THADA: variants seen among roughly 807,000 people sequenced by gnomAD.
The protein encoded by THADA is tRNA (32-2'-O)-methyltransferase regulator THADA.
A neutral mutation model predicts 219.8 loss-of-function variants in THADA; 213 were observed. That is an observed-to-expected ratio of 0.97 (90% CI 0.87 to 1.09). The LOEUF is 1.09. Ranked by LOEUF, THADA falls within the 50% of genes least tolerant of loss-of-function variation. The pLI, the probability that THADA is intolerant of heterozygous loss-of-function variation, is 0.00. For synonymous variants in THADA, 1,018 were observed against 828.9 expected (o/e 1.23, Z -3.92); for missense variants, 2,956 against 2,311.3 (o/e 1.28, Z -5.72).
intron 36 of THADA, among the ~76,000 whole-genome samples, chr2:43,244,051 C>CA (rs972098351): frequency 2.6e-5 from 4 of 151,952 alleles, no homozygotes; most frequent in Admixed American, 1.3e-4. Context: ...CAATACATTC[C>CA]AAAAAATCTT....
intron 26 of THADA, 68 bp from the exon 27 acceptor site, chr2:43,430,370 T>A (rs536514575): frequency 3.7e-5 from 32 of 874,062 alleles, no homozygotes; most frequent in Admixed American, 5.8e-5. Context: ...AGCCTTTTTT[T>A]TAAAAAAAGG....
At chr2:43,305,638 A>G (rs1676768588) in intron 31 of THADA, among the ~76,000 whole-genome samples, 1 of 152,124 alleles carries the variant, frequency 6.6e-6, no homozygotes, top group African/African-American at 2.4e-5. Flanking sequence ...GGCAGCCCAT[A>G]AAATCAAAAC....
chr2:43,462,086 GC>G (rs2104932131), intron 26 of THADA, among the ~76,000 whole-genome samples: 1 of 152,252 alleles, frequency 6.6e-6, no homozygotes, highest in South Asian at 2.1e-4. Flanking sequence ...ATTTCGGGCT[GC>G]ATTTTATACT....
At chr2:43,538,135 G>C (rs1041787489) in intron 21 of THADA, among the ~76,000 whole-genome samples, 2 of 152,098 alleles carry the variant, frequency 1.3e-5, no homozygotes, top group Non-Finnish European at 2.9e-5. Context: ...AGTACTCCAG[G>C]TGGAGGAAGC....
rs540266751 is a variant in THADA at position 43,553,354 on chromosome 2, G to T, written c.2675-1015C>A. Among the ~76,000 whole-genome samples the T allele has an allele frequency of 3.9e-5, 6 of 152,282 alleles. No individual in the cohort carries two copies. In the East Asian group the frequency reaches 7.7e-4, roughly 20 times the overall value. On this transcript the variant is annotated intron_variant, in intron 17 of 37. Coordinates refer to ENST00000405975, the MANE Select transcript of THADA (RefSeq NM_022065.5). ...CCCTAATGTGATAATCGAAGATGGA[G>T]ACCTTGGAAGGTAATTAGGTTTAGA...
chr2:43,577,297 T>G, intron 9 of THADA, 55 bp from the exon 10 acceptor site: 1 of 1,380,498 alleles, frequency 7.2e-7, no homozygotes, highest in Non-Finnish European at 9.9e-7. Context: ...TTTTCAGAGA[T>G]ATTTCAAAAT....
At chr2:43,582,236 C>G (rs988356726) in intron 7 of THADA, among the ~76,000 whole-genome samples, 2 of 152,190 alleles carry the variant, frequency 1.3e-5, no homozygotes, top group Admixed American at 6.5e-5. Context: ...GTGGCTCACA[C>G]TTGTAATCCC....
intron 36 of THADA, among the ~76,000 whole-genome samples, chr2:43,274,571 G>A (rs1373728528): frequency 2.0e-5 from 3 of 152,202 alleles, no homozygotes; most frequent in Non-Finnish European, 4.4e-5. Flanking sequence ...GCTCTGTGAT[G>A]ATACAATAAC....
At chr2:43,250,868 G>T (rs1669741826) in intron 36 of THADA, among the ~76,000 whole-genome samples, 1 of 152,196 alleles carries the variant, frequency 6.6e-6, no homozygotes, top group Non-Finnish European at 1.5e-5. Context: ...GGGCCCATTT[G>T]CTTTAAAGGG....
chr2:43,400,227 G>A (rs1277481239), intron 28 of THADA, among the ~76,000 whole-genome samples: 1 of 152,146 alleles, frequency 6.6e-6, no homozygotes, highest in African/African-American at 2.4e-5. Context: ...TGGAAAGGGG[G>A]AAAAGTGCCA....
rs1400855800 is a variant in THADA at position 43,232,633 on chromosome 2, G to A, written c.5466+80C>T. On this transcript the variant is annotated intron_variant, in intron 37 of 37. Transcript: ENST00000405975. ...CTGTGTCTAAGCATGCAAAAGCCCAGCTGAGGCTGTAGGTGCTGCATCTAG... is the reference window on the plus strand; with the variant it reads ...CTGTGTCTAAGCATGCAAAAGCCCAACTGAGGCTGTAGGTGCTGCATCTAG... 1.2e-4 allele frequency: 169 copies of A among 1,467,626 alleles called. 1 individual carries two copies. The highest frequency in any genetic ancestry group is 1.5e-4 in the Non-Finnish European group (162 of 1,071,356). 90.9% of individuals were successfully genotyped at this position (1,467,626 alleles called of 1,614,324 possible). A position where few individuals can be genotyped will look rare whatever the true frequency, so the allele number is the denominator to read the frequency against.
At position 43,517,510 on chromosome 2, in the gene THADA, T is replaced by C. The variant is rs1691875570; in HGVS notation, c.3375-8730A>G. On this transcript the variant is annotated intron_variant, in intron 22 of 37. Transcript: ENST00000405975. ...AAGAAGGAAGAAAATCCTTTCCCTT[T>C]CCCATAAACACAGACTTTCACTTTG... Among the ~76,000 whole-genome samples the C allele has an allele frequency of 2.0e-5, 3 of 152,136 alleles. No homozygotes were observed. In the South Asian group the frequency reaches 6.2e-4, roughly 31 times the overall value.
At chr2:43,590,752 G>C (rs545465559) in intron 4 of THADA, 72 bp downstream of exon 4, 4 of 1,524,254 alleles carry the variant, frequency 2.6e-6, no homozygotes, top group Non-Finnish European at 3.6e-6. Flanking sequence ...ATCAAACCAA[G>C]GAAGGAACTT....
At chr2:43,431,481 T>C (rs1332878152) in intron 26 of THADA, among the ~76,000 whole-genome samples, 1 of 152,120 alleles carries the variant, frequency 6.6e-6, no homozygotes, top group Non-Finnish European at 1.5e-5. Flanking sequence ...TGTTTGTTTT[T>C]TTGAGACGGA....
In THADA at chr2:43,577,235, C is replaced by G. The variant is rs1030459797; in HGVS notation, c.824G>C (p.Ser275Thr). Reference protein sequence around the residue: ...PSEKIPHLISSVLLRSVDCTS... With the variant: ...PSEKIPHLISTVLLRSVDCTS... ...GCAGTCCACTGAACGAAGCAGCACA[C>G]TGCTAATCTGGAAAAATATAGCAGA... Residue 275 changes from serine (S) to threonine (T), a missense_variant, in exon 10 of 38, where the codon AGT becomes ACT. Coordinates refer to ENST00000405975, the MANE Select transcript of THADA (RefSeq NM_022065.5). 1.3e-6 allele frequency: 2 copies of G among 1,584,262 alleles called. No individual in the cohort carries two copies. Among genetic ancestry groups the G allele is most frequent in the Admixed American group, 3.6e-5 (2 of 54,950 alleles).
At chr2:43,375,982 G>A (rs933229772) in intron 29 of THADA, among the ~76,000 whole-genome samples, 1 of 152,166 alleles carries the variant, frequency 6.6e-6, no homozygotes, top group Non-Finnish European at 1.5e-5. Context: ...CCTGCAAGCT[G>A]TTTCAGACTA....
intron 30 of THADA, chr2:43,333,174 T>G (rs1030758285): frequency 6.6e-6 from 1 of 152,228 alleles, no homozygotes; most frequent in Admixed American, 6.5e-5. Context: ...CTGGCTTGGG[T>G]TGAAATACGA....
At chr2:43,264,872 C>A (rs2104229393) in intron 36 of THADA, among the ~76,000 whole-genome samples, 1 of 152,336 alleles carries the variant, frequency 6.6e-6, no homozygotes, top group East Asian at 1.9e-4. Context: ...CCATTTCCAG[C>A]AAATGGTGGT....
chr2:43,426,241 G>C (rs1558740927), intron 28 of THADA, among the ~76,000 whole-genome samples: 2 of 152,130 alleles, frequency 1.3e-5, no homozygotes, highest in Non-Finnish European at 2.9e-5. Context: ...TTTTGGAAAG[G>C]TACTTTCAGG....
Sources: gnomAD v4.1 joint callset for allele counts (sites outside exome capture counted in the v4.1 genomes callset) on GRCh38, gnomAD v4.1.1 for gene constraint, MANE v1.5 for transcripts, NCBI Gene and HGNC (gene_info 2026-07-23, HGNC 2026-07-21) for gene names.